SGCD: variants seen among roughly 807,000 people sequenced by gnomAD.
SGCD encodes the protein sarcoglycan delta.
Under a neutral mutation model 36.6 loss-of-function variants are expected in SGCD, and 18 were observed. The ratio of observed to expected loss-of-function variants is 0.49; its 90% CI spans 0.34 to 0.73. The LOEUF (loss-of-function observed/expected upper bound fraction) is 0.73. Among genes scored for constraint, SGCD ranks in the 30% least tolerant of loss-of-function variants. The pLI, the probability that SGCD is intolerant of heterozygous loss-of-function variation, is 0.01. For missense variants in SGCD, 387 were observed against 346.7 expected (o/e 1.12, Z -0.92); for synonymous variants, 133 against 130.6 (o/e 1.02, Z -0.12).
At chr5:155,846,410 T>A in the SGCD span, among the ~76,000 whole-genome samples, 1 of 152,140 alleles carries the variant, frequency 6.6e-6, no homozygotes, top group Admixed American at 6.5e-5. Flanking sequence ...TGACAGACAC[T>A]TTTTTTCCTC....
At chr5:156,713,510 C>G (rs562173073) in intron 7 of SGCD, among the ~76,000 whole-genome samples, 2 of 152,254 alleles carry the variant, frequency 1.3e-5, no homozygotes, top group East Asian at 1.9e-4. Context: ...TCAGAAGGAA[C>G]AGACAGGAGC....
chr5:155,738,632 G>A, the SGCD span, among the ~76,000 whole-genome samples: 33 of 151,966 alleles, frequency 2.2e-4, no homozygotes, highest in African/African-American at 8.0e-4. Context: ...GAGAGAGAGA[G>A]TCTGTGAGAG....
At chr5:156,733,524 T>G (rs926236668) in intron 7 of SGCD, among the ~76,000 whole-genome samples, 1 of 152,124 alleles carries the variant, frequency 6.6e-6, no homozygotes, top group Admixed American at 6.6e-5. Context: ...TGTAGATAAC[T>G]ATCAGGTCCG....
chr5:156,176,850 T>C (rs560869922), intron 3 of SGCD, among the ~76,000 whole-genome samples: 1 of 152,326 alleles, frequency 6.6e-6, no homozygotes, highest in East Asian at 1.9e-4. Flanking sequence ...CCTTCAGTTT[T>C]GGAAAATTAC....
chr5:156,595,755 G>C (rs1167827049), intron 6 of SGCD, among the ~76,000 whole-genome samples: 1 of 152,210 alleles, frequency 6.6e-6, no homozygotes, highest in African/African-American at 2.4e-5. Context: ...GAATCATCTA[G>C]GAAACTTTGG....
At chr5:156,525,216 A>G (rs74716532) in intron 4 of SGCD, among the ~76,000 whole-genome samples, 2,680 of 152,158 alleles carry the variant, frequency 0.018, 31 homozygotes, top group Non-Finnish European at 0.029. Context: ...TCTTTTCTCT[A>G]CATCCTTGCC....
chr5:156,102,147 T>A (rs746682698), intron 1 of SGCD, among the ~76,000 whole-genome samples: 5 of 152,042 alleles, frequency 3.3e-5, no homozygotes, highest in Non-Finnish European at 7.4e-5. Flanking sequence ...ATGTTTCTGA[T>A]TGATTTTTTT....
chr5:155,998,733 G>T (rs2127567209), intron 1 of SGCD, among the ~76,000 whole-genome samples: 1 of 152,278 alleles, frequency 6.6e-6, no homozygotes, highest in African/African-American at 2.4e-5. Context: ...ACCCTAGAAA[G>T]CTTGTTAAGT....
At chr5:155,855,946 A>C in the SGCD span, among the ~76,000 whole-genome samples, 2 of 152,182 alleles carry the variant, frequency 1.3e-5, no homozygotes, top group African/African-American at 2.4e-5. Flanking sequence ...GATAGGAAAA[A>C]TTGATTATAC....
At chr5:156,510,237 T>C (rs1756872789) in intron 4 of SGCD, among the ~76,000 whole-genome samples, 1 of 152,220 alleles carries the variant, frequency 6.6e-6, no homozygotes, top group East Asian at 1.9e-4. Context: ...TTGTCTTGGG[T>C]ACTTAAAGTA....
At chr5:155,991,825 C>T (rs965555546) in intron 1 of SGCD, among the ~76,000 whole-genome samples, 2 of 152,180 alleles carry the variant, frequency 1.3e-5, no homozygotes, top group African/African-American at 4.8e-5. Context: ...AAGGCGAACT[C>T]CACAAAGACT....
chr5:156,206,277 T>C (rs1053671426), intron 3 of SGCD, among the ~76,000 whole-genome samples: 2 of 151,898 alleles, frequency 1.3e-5, no homozygotes, highest in Admixed American at 6.6e-5. Context: ...GGCTTGGCAT[T>C]CGGGGTTTTC....
intron 4 of SGCD, among the ~76,000 whole-genome samples, chr5:156,554,643 A>G (rs1260857058): frequency 6.7e-6 from 1 of 148,258 alleles, no homozygotes; most frequent in Non-Finnish European, 1.5e-5. Flanking sequence ...TATAATATAT[A>G]TTATATATAT....
intron 3 of SGCD, chr5:156,458,380 C>T: frequency 1.3e-6 from 2 of 1,492,894 alleles, no homozygotes; most frequent in East Asian, 4.6e-5. Context: ...TTTGCTTTTA[C>T]CAAAAAGGAA....
the SGCD span, among the ~76,000 whole-genome samples, chr5:155,857,322 T>C: frequency 6.6e-6 from 1 of 152,188 alleles, no homozygotes. Flanking sequence ...GAGATCAAAA[T>C]ATTTGTCAAT....
chr5:156,178,768 G>A (rs1339310228), intron 3 of SGCD, among the ~76,000 whole-genome samples: 1 of 152,130 alleles, frequency 6.6e-6, no homozygotes, highest in East Asian at 1.9e-4. Context: ...TAGAGACAAG[G>A]TTGGCCAGGC....
At chr5:155,758,108 C>T in the SGCD span, among the ~76,000 whole-genome samples, 1 of 152,118 alleles carries the variant, frequency 6.6e-6, no homozygotes, top group Non-Finnish European at 1.5e-5. Context: ...AGCATGAAAA[C>T]AGACTAATAT....
At chr5:155,979,359 C>T (rs951033698) in intron 1 of SGCD, among the ~76,000 whole-genome samples, 3 of 152,132 alleles carry the variant, frequency 2.0e-5, no homozygotes, top group East Asian at 1.9e-4. Context: ...TAAATGCCTA[C>T]GATATAAGGT....
At chr5:156,383,669 G>C (rs1771119920) in intron 3 of SGCD, among the ~76,000 whole-genome samples, 1 of 152,106 alleles carries the variant, frequency 6.6e-6, no homozygotes, top group Non-Finnish European at 1.5e-5. Flanking sequence ...GGAAACTAAA[G>C]TGAAGTCTAT....
Sources: gnomAD v4.1 joint callset for allele counts (sites outside exome capture counted in the v4.1 genomes callset) on GRCh38, gnomAD v4.1.1 for gene constraint, MANE v1.5 for transcripts, NCBI Gene and HGNC (gene_info 2026-07-23, HGNC 2026-07-21) for gene names.